Variants in SLC6A15 observed in about 807,000 individuals in gnomAD.
SLC6A15 encodes the protein solute carrier family 6 member 15, also known as sodium-dependent neutral amino acid transporter B(0)AT2.
In SLC6A15, 33 loss-of-function variants were observed where a neutral mutation model predicts 68.5. The observed-to-expected ratio is 0.48, with a 90% CI of 0.37 to 0.64. The LOEUF is 0.64. Among genes scored for constraint, SLC6A15 ranks in the 30% least tolerant of loss-of-function variants. The pLI, the probability that SLC6A15 is intolerant of heterozygous loss-of-function variation, is 0.00. For synonymous variants in SLC6A15, 347 were observed against 301.0 expected, an observed-to-expected ratio of 1.15 and a Z score of -1.58; for missense variants, 747 against 874.3, an observed-to-expected ratio of 0.85 and a Z score of 1.84.
At chr12:84,863,345 G>T in intron 11 of SLC6A15, 94 bp downstream of exon 11, 2 of 909,260 alleles carry the variant, frequency 2.2e-6, no homozygotes, top group Non-Finnish European at 3.3e-6. Flanking sequence ...TCATTAAACA[G>T]CAAAAAATAC....
rs533971499 is a variant in SLC6A15 at position 84,878,072 on chromosome 12, A to G, written c.757-1465T>C. Reference sequence around the variant, plus strand: ...TTCAATAATAACTACAAACAACATTAATATAAGGCAACACAATAAGGGGCA... The same window carrying G: ...TTCAATAATAACTACAAACAACATTGATATAAGGCAACACAATAAGGGGCA... On this transcript the variant is annotated intron_variant, in intron 5 of 11. Transcript: ENST00000266682. Among the ~76,000 whole-genome samples the G allele has an allele frequency of 4.6e-5, 7 of 151,930 alleles. No homozygotes were observed. In the South Asian group the frequency reaches 1.5e-3, roughly 31 times the overall value.
chr12:84,870,657 G>C lies in SLC6A15; in HGVS notation c.1316C>G (p.Thr439Ser). The C allele has an allele frequency of 4.3e-6, 7 of 1,609,728 alleles. No homozygotes were observed. The highest frequency in any genetic ancestry group is 5.9e-6 in the Non-Finnish European group (7 of 1,177,658). Residue 439 changes from threonine to serine, a missense_variant, in exon 9 of 12, where the codon ACC (threonine) becomes AGC (serine). Transcript: ENST00000266682. ...EEELNKAVQG[T>S]GLAFIAFTEA... ...TGTAAAGGCAATAAAAGCTAAGCCG[G>C]TCCCCTGAACAGCCTGCAAAATACA...
chr12:84,883,801 G>C (rs1210138005), intron 5 of SLC6A15, 58 bp downstream of exon 5: 1 of 1,613,764 alleles, frequency 6.2e-7, no homozygotes, highest in Non-Finnish European at 8.5e-7. Flanking sequence ...GAATTTGAGA[G>C]AGGGATGAAT....
chr12:84,870,642 A>G lies in SLC6A15; in HGVS notation c.1331T>C (p.Ile444Thr). The G allele has an allele frequency of 6.2e-7, 1 of 1,611,984 alleles. No individual in the cohort carries two copies. The highest frequency in any genetic ancestry group is 8.5e-7 in the Non-Finnish European group (1 of 1,178,944). ...ATGTGTCATCGCTTCTGTAAAGGCA[A>G]TAAAAGCTAAGCCGGTCCCCTGAAC... ...KAVQGTGLAF[I>T]AFTEAMTHFP... Residue 444 changes from isoleucine (I) to threonine (T), a missense_variant, in exon 9 of 12, where the codon ATT (isoleucine) becomes ACT (threonine). Coordinates refer to ENST00000266682, the MANE Select transcript of SLC6A15 (RefSeq NM_182767.6).
chr12:84,863,677 G>C lies in SLC6A15; in HGVS notation c.1656-76C>G, dbSNP rs185194389. The C allele has an allele frequency of 1.8e-4, 189 of 1,071,658 alleles. 1 individual carries two copies. In the African/African-American group the frequency reaches 3.0e-3, roughly 17 times the overall value. The allele number at this position is 1,071,658 out of a possible 1,614,324, so 66.4% of individuals were successfully genotyped here. A position where few individuals can be genotyped will look rare whatever the true frequency, so the allele number is the denominator to read the frequency against. On this transcript the variant is annotated intron_variant, in intron 10 of 11. Transcript: ENST00000266682. ...CTTAAAAAATGTGCATTATATTAAT[G>C]GTCTGACAAACATTTACCATTGATA... is the stretch of plus-strand genomic sequence containing the variant.
chr12:84,883,673 A>T (rs1592602637), intron 5 of SLC6A15, 186 bp downstream of exon 5: 14 of 1,514,310 alleles, frequency 9.2e-6, no homozygotes, highest in Non-Finnish European at 1.2e-5. Flanking sequence ...ACTATAAAAC[A>T]CTGTTTTTAT....
At chr12:84,869,186 A>C (rs115877477) in intron 9 of SLC6A15, among the ~76,000 whole-genome samples, 4 of 152,126 alleles carry the variant, frequency 2.6e-5, no homozygotes, top group African/African-American at 9.7e-5. Flanking sequence ...AGAGCTGGGC[A>C]CGGTGGCTCA....
At position 84,865,805 on chromosome 12, in the gene SLC6A15, C is replaced by T. The variant is rs374089093; in HGVS notation, c.1655+1229G>A. On this transcript the variant is annotated intron_variant, in intron 10 of 11. Coordinates refer to ENST00000266682, the MANE Select transcript of SLC6A15 (RefSeq NM_182767.6). ...CATGGATTGAATAATATTTCATTGT[C>T]TGGATGTATGACAATTTATCCATTT... is the stretch of plus-strand genomic sequence containing the variant. Among the ~76,000 whole-genome samples, 4 of 152,196 alleles carry T rather than the reference C, an allele frequency of 2.6e-5. No homozygotes were observed. In the South Asian group the frequency reaches 8.3e-4, roughly 32 times the overall value.
intron 5 of SLC6A15, chr12:84,881,843 G>C (rs1459695704): frequency 1.0e-6 from 1 of 984,468 alleles, no homozygotes; most frequent in Non-Finnish European, 1.2e-6. Flanking sequence ...CATTGTTTCA[G>C]ATTGAGGAAT....
intron 1 of SLC6A15, among the ~76,000 whole-genome samples, chr12:84,910,335 A>T (rs773416767): frequency 1.3e-4 from 20 of 152,156 alleles, no homozygotes; most frequent in Non-Finnish European, 2.2e-4. Context: ...TTAGAGAAAA[A>T]TGGTTAATAA....
chr12:84,872,709 T>A lies in SLC6A15; in HGVS notation c.1195A>T (p.Thr399Ser), dbSNP rs1288272007. 1 of 1,613,044 alleles carries A rather than the reference T, an allele frequency of 6.2e-7. No homozygotes were observed. The highest frequency in any genetic ancestry group is 8.5e-7 in the Non-Finnish European group (1 of 1,179,506). Residue 399 changes from threonine to serine, a missense_variant, in exon 8 of 12, where the codon ACT becomes TCT. Physicochemically the swap from Thr to Ser is moderately conservative, Grantham distance 58. Transcript: ENST00000266682. The part of the protein sequence containing the change: ...IPHHINLSTV[T>S]AEDYHLVYDI... Reference sequence around the variant, plus strand: ...TAAACTAAATGATAATCTTCTGCAGTAACAGTTGAAAGGTTGATATGATGG... The same window carrying A: ...TAAACTAAATGATAATCTTCTGCAGAAACAGTTGAAAGGTTGATATGATGG...
At chr12:84,900,702 C>T (rs1872820867) in intron 1 of SLC6A15, among the ~76,000 whole-genome samples, 1 of 151,404 alleles carries the variant, frequency 6.6e-6, no homozygotes, top group African/African-American at 2.4e-5. Context: ...ATTAAGATAA[C>T]CATATCAGTT....
chr12:84,873,927 T>C (rs952241615), intron 6 of SLC6A15, among the ~76,000 whole-genome samples: 20 of 152,244 alleles, frequency 1.3e-4, no homozygotes, highest in African/African-American at 4.1e-4. Context: ...AGATCCAAAG[T>C]TCTGACATTG....
At chr12:84,909,559 C>G (rs1302011100) in intron 1 of SLC6A15, among the ~76,000 whole-genome samples, 3 of 152,112 alleles carry the variant, frequency 2.0e-5, no homozygotes, top group African/African-American at 7.2e-5. Context: ...TGCTATGTAA[C>G]CTTGAATGTT....
intron 5 of SLC6A15, chr12:84,883,011 T>C: frequency 1.0e-6 from 1 of 985,194 alleles, no homozygotes; most frequent in Non-Finnish European, 1.2e-6. Flanking sequence ...TGGTAATAAG[T>C]TAGCCTGAAA....
At chr12:84,889,542 C>T (rs995928140) in intron 2 of SLC6A15, among the ~76,000 whole-genome samples, 4 of 136,270 alleles carry the variant, frequency 2.9e-5, no homozygotes, top group Admixed American at 1.4e-4. Context: ...ATAAAAAAAA[C>T]AGTTTTCCCT....
chr12:84,861,972 C>A lies in SLC6A15; in HGVS notation c.1853G>T (p.Gly618Val). ...AACCAGAGAGACACAAACAACCAGT[C>A]CCCATGTTGGATAGCTCAGAAATTC... is the stretch of plus-strand genomic sequence containing the variant. ...SEEFLSYPTW[G>V]LVVCVSLVVF... The change falls in exon 12 of 12, where the codon GGA becomes GTA. Residue 618 changes from glycine to valine, a missense_variant. Coordinates refer to ENST00000266682, the MANE Select transcript of SLC6A15 (RefSeq NM_182767.6). The A allele has an allele frequency of 1.9e-6, 3 of 1,610,042 alleles. No homozygotes were observed. Among genetic ancestry groups the A allele is most frequent in the Non-Finnish European group, 2.5e-6 (3 of 1,178,574 alleles).
At chr12:84,877,591 G>A (rs1453889312) in intron 5 of SLC6A15, among the ~76,000 whole-genome samples, 2 of 152,104 alleles carry the variant, frequency 1.3e-5, no homozygotes, top group Admixed American at 1.3e-4. Flanking sequence ...TTAAGATGCA[G>A]GGCGGCACCT....
chr12:84,892,690 G>A (rs909189047), intron 1 of SLC6A15, among the ~76,000 whole-genome samples: 2 of 152,082 alleles, frequency 1.3e-5, no homozygotes, highest in Non-Finnish European at 2.9e-5. Flanking sequence ...AAACACAATT[G>A]CAAACCAACG....
Sources: allele counts gnomAD v4.1 joint callset (sites outside exome capture counted in the v4.1 genomes callset), GRCh38; gene constraint gnomAD v4.1.1; transcripts MANE v1.5; gene names NCBI Gene and HGNC (gene_info 2026-07-23, HGNC 2026-07-21).